Variants in CFAP61 observed in about 807,000 individuals in gnomAD.
CFAP61 encodes cilia- and flagella-associated protein 61.
Under a neutral mutation model 135.6 loss-of-function variants are expected in CFAP61, and 107 were observed. That is an observed-to-expected ratio of 0.79 (90% CI 0.67 to 0.93). The LOEUF is 0.93. Among genes scored for constraint, CFAP61 ranks in the 40% least tolerant of loss-of-function variants. CFAP61 has a pLI of 0.00. For missense variants in CFAP61, 1,507 were observed against 1,556.2 expected, an observed-to-expected ratio of 0.97 and a Z score of 0.53; for synonymous variants, 575 against 578.5, an observed-to-expected ratio of 0.99 and a Z score of 0.09.
At chr20:20,266,884 A>G (rs2052785852) in intron 21 of CFAP61, among the ~76,000 whole-genome samples, 1 of 152,182 alleles carries the variant, frequency 6.6e-6, no homozygotes, top group East Asian at 1.9e-4. Flanking sequence ...GATAAATGAG[A>G]TTACATGCCA....
At chr20:20,289,479 C>G (rs145088982) in intron 23 of CFAP61, among the ~76,000 whole-genome samples, 1 of 152,308 alleles carries the variant, frequency 6.6e-6, no homozygotes, top group African/African-American at 2.4e-5. Flanking sequence ...TGAGAAATAC[C>G]TTTGAAAATG....
intron 13 of CFAP61, among the ~76,000 whole-genome samples, chr20:20,185,948 T>C (rs2055466810): frequency 6.6e-6 from 1 of 152,218 alleles, no homozygotes; most frequent in Admixed American, 6.5e-5. Context: ...CTTATTTTTT[T>C]GCTATTAGTT....
At chr20:20,294,924 G>A (rs2055293760) in intron 24 of CFAP61, among the ~76,000 whole-genome samples, 1 of 142,642 alleles carries the variant, frequency 7.0e-6, no homozygotes, top group Non-Finnish European at 1.5e-5. Flanking sequence ...GACAGAGCGA[G>A]ACTCCGTCTC....
At chr20:20,355,369 G>A in intron 26 of CFAP61, among the ~76,000 whole-genome samples, 1 of 109,392 alleles carries the variant, frequency 9.1e-6, no homozygotes, top group South Asian at 4.1e-4. Context: ...TCACACTGAG[G>A]GGAGGTAGTG....
At chr20:20,299,895 C>T (rs1243726386) in intron 25 of CFAP61, among the ~76,000 whole-genome samples, 1 of 152,180 alleles carries the variant, frequency 6.6e-6, no homozygotes, top group Non-Finnish European at 1.5e-5. Flanking sequence ...ATATCCTAGC[C>T]CTAGAACCGC....
intron 25 of CFAP61, among the ~76,000 whole-genome samples, chr20:20,332,958 A>G (rs748461730): frequency 3.3e-5 from 5 of 152,202 alleles, no homozygotes; most frequent in Non-Finnish European, 7.3e-5. Flanking sequence ...AACTTCAAGA[A>G]AGCTAGTTAC....
chr20:20,343,671 A>G (rs908851255), intron 26 of CFAP61, among the ~76,000 whole-genome samples: 8 of 152,154 alleles, frequency 5.3e-5, no homozygotes, highest in African/African-American at 1.9e-4. Flanking sequence ...GCAGCTTCCT[A>G]CTGCCCCTAC....
At chr20:20,340,413 G>A (rs1310469042) in intron 25 of CFAP61, among the ~76,000 whole-genome samples, 3 of 152,218 alleles carry the variant, frequency 2.0e-5, no homozygotes, top group Non-Finnish European at 2.9e-5. Context: ...GGGCAGTGAC[G>A]CTCTTCTGCA....
chr20:20,185,078 A>G (rs1221280801), intron 13 of CFAP61, among the ~76,000 whole-genome samples: 6 of 152,236 alleles, frequency 3.9e-5, no homozygotes, highest in Admixed American at 2.6e-4. Context: ...GTGCAAGCTT[A>G]TGCTCGTAAA....
At chr20:20,201,611 T>G (rs1301892871) in intron 17 of CFAP61, among the ~76,000 whole-genome samples, 1 of 152,130 alleles carries the variant, frequency 6.6e-6, no homozygotes, top group Non-Finnish European at 1.5e-5. Flanking sequence ...AGAAGTTTGG[T>G]GCAAAGACAG....
intron 10 of CFAP61, 55 bp downstream of exon 10, chr20:20,159,499 C>G: frequency 7.0e-7 from 1 of 1,431,398 alleles, no homozygotes; most frequent in East Asian, 2.3e-5. Flanking sequence ...GGGTTTCACA[C>G]CTTTCTACCT....
intron 26 of CFAP61, among the ~76,000 whole-genome samples, chr20:20,351,396 C>T (rs2058828747): frequency 6.6e-6 from 1 of 152,084 alleles, no homozygotes; most frequent in African/African-American, 2.4e-5. Context: ...GCCTGGCCAA[C>T]ATGGTGAAAC....
chr20:20,170,821 A>C (rs1252639870), intron 13 of CFAP61, among the ~76,000 whole-genome samples: 4 of 152,240 alleles, frequency 2.6e-5, no homozygotes, highest in African/African-American at 9.6e-5. Context: ...CTATGTGGAA[A>C]GATAGCTAGG....
chr20:20,205,998 T>TG (rs937027335), intron 17 of CFAP61, among the ~76,000 whole-genome samples: 1 of 150,568 alleles, frequency 6.6e-6, no homozygotes, highest in Non-Finnish European at 1.5e-5. Context: ...TTTTTTGGGG[T>TG]GGGGGTTGGG....
At chr20:20,179,625 C>G (rs2054899927) in intron 13 of CFAP61, among the ~76,000 whole-genome samples, 1 of 152,204 alleles carries the variant, frequency 6.6e-6, no homozygotes, top group Non-Finnish European at 1.5e-5. Flanking sequence ...TACCTGACTT[C>G]AAACTATACT....
chr20:20,170,128 CA>C (rs2054119822), intron 13 of CFAP61, among the ~76,000 whole-genome samples: 1 of 152,098 alleles, frequency 6.6e-6, no homozygotes, highest in African/African-American at 2.4e-5. Context: ...GAGCATGGAA[CA>C]TTGGGAGAGT....
At chr20:20,136,973 C>A (rs1269886138) in intron 8 of CFAP61, among the ~76,000 whole-genome samples, 1 of 152,122 alleles carries the variant, frequency 6.6e-6, no homozygotes, top group African/African-American at 2.4e-5. Flanking sequence ...GGTGGGTACA[C>A]AGAGCCCAGT....
intron 22 of CFAP61, among the ~76,000 whole-genome samples, chr20:20,284,046 A>G (rs1392643657): frequency 1.3e-5 from 2 of 152,112 alleles, no homozygotes; most frequent in African/African-American, 4.8e-5. Flanking sequence ...TGCCTACCAC[A>G]TGCTTTTTAT....
intron 26 of CFAP61, among the ~76,000 whole-genome samples, chr20:20,343,964 G>A (rs1363955738): frequency 6.6e-6 from 1 of 152,170 alleles, no homozygotes; most frequent in African/African-American, 2.4e-5. Flanking sequence ...GACCAGAAGT[G>A]GCCACGGACC....
Sources: gnomAD v4.1 joint callset for allele counts (sites outside exome capture counted in the v4.1 genomes callset) on GRCh38, gnomAD v4.1.1 for gene constraint, MANE v1.5 for transcripts, NCBI Gene and HGNC (gene_info 2026-07-23, HGNC 2026-07-21) for gene names.